CENPN: variants seen among roughly 807,000 people sequenced by gnomAD.
CENPN encodes centromere protein N.
Under a neutral mutation model 48.6 loss-of-function variants are expected in CENPN, and 36 were observed. The observed-to-expected ratio is 0.74, with a 90% confidence interval of 0.57 to 0.98. CENPN has a LOEUF of 0.98. CENPN is among the 50% of genes least tolerant of loss of function. The pLI, the probability that CENPN is intolerant of heterozygous loss-of-function variation, is 0.00. For missense variants in CENPN, 439 were observed against 399.2 expected (o/e 1.10, Z -0.85); for synonymous variants, 166 against 135.2 (o/e 1.23, Z -1.58).
At position 81,025,689 on chromosome 16, in the gene CENPN, C is replaced by CTTTTTTTTTTTTTTTTT. The variant is rs761078576; in HGVS notation, c.698-836_698-835insTTTTTTTTTTTTTTTTT. On this transcript the variant is annotated intron_variant, in intron 8 of 10. Coordinates refer to ENST00000305850, the MANE Select transcript of CENPN (RefSeq NM_001100624.3). ...TGGGCAACATAGTGAGACCCTGTCT[C>CTTTTTTTTTTTTTTTTT]TCTTTTTTTTTTTTTTTTTTTTTTT... 1.5e-5 allele frequency among the ~76,000 whole-genome samples: 2 copies of CTTTTTTTTTTTTTTTTT among 135,232 alleles called. 1 individual carries two copies. The highest frequency in any genetic ancestry group is 5.9e-5 in the African/African-American group (2 of 34,032). 88.7% of individuals were successfully genotyped at this position (135,232 alleles called of 152,430 possible). A position where few individuals can be genotyped will look rare whatever the true frequency, so the allele number is the denominator to read the frequency against.
At position 81,012,103 on chromosome 16, in the gene CENPN, T is replaced by C. The variant is rs1418115288; in HGVS notation, c.164T>C (p.Leu55Pro). 5.0e-6 allele frequency: 8 copies of C among 1,613,902 alleles called. No individual in the cohort carries two copies. The African/African-American group carries it at 1.1e-4, about 22-fold the overall frequency. The change falls in exon 2 of 11, where the codon CTG (leucine) becomes CCG (proline). Residue 55 changes from leucine to proline, a missense_variant. By Grantham distance (98) the Leu-to-Pro change is moderately conservative (BLOSUM62 -3). Transcript: ENST00000305850. ...KESVVQHLIH[L>P]CEEKRASISD... is the part of the protein sequence containing the mutation. The stretch of plus-strand genomic sequence containing the variant: ...TCTGTAGTTCAGCACTTGATCCATC[T>C]GTGTGAGGTAACAGTGTTAAAAATG...
At chr16:81,026,203 ATG>A (rs1037026637) in intron 8 of CENPN, among the ~76,000 whole-genome samples, 5 of 142,342 alleles carry the variant, frequency 3.5e-5, no homozygotes, top group African/African-American at 5.2e-5. Context: ...ATGTATATAT[ATG>A]TGTGTGTATA....
chr16:81,022,023 C>T (rs1235351023), intron 6 of CENPN, among the ~76,000 whole-genome samples: 5 of 152,102 alleles, frequency 3.3e-5, no homozygotes, highest in Admixed American at 1.3e-4. Flanking sequence ...CCTGCCAAAG[C>T]GCTGGGATTA....
intron 4 of CENPN, 119 bp from the exon 5 acceptor site, chr16:81,017,639 T>C (rs1969987758): frequency 1.3e-6 from 1 of 772,498 alleles, no homozygotes; most frequent in Admixed American, 2.9e-5. Context: ...TTTGTGTGAT[T>C]TGATCATTAT....
chr16:81,031,710 C>G (rs1346967910), downstream of CENPN, among the ~76,000 whole-genome samples: 2 of 152,180 alleles, frequency 1.3e-5, no homozygotes, highest in Non-Finnish European at 2.9e-5. Flanking sequence ...TATCCAACGT[C>G]CTTGGTTGCC....
intron 8 of CENPN, among the ~76,000 whole-genome samples, chr16:81,025,208 G>A (rs1970409005): frequency 6.6e-6 from 1 of 152,154 alleles, no homozygotes; most frequent in Admixed American, 6.5e-5. Flanking sequence ...ATCCAGGTAC[G>A]TCTGGATCTG....
rs1970512548 is a variant in CENPN at position 81,026,654 on chromosome 16, AAATATT to A, written c.810+19_810+24del. 2.4e-6 allele frequency: 3 copies of A among 1,271,960 alleles called. No homozygotes were observed. The highest frequency in any genetic ancestry group is 3.4e-6 in the Non-Finnish European group (3 of 881,454). The allele number at this position is 1,271,960 out of a possible 1,614,324, so 78.8% of individuals were successfully genotyped here. A position where few individuals can be genotyped will look rare whatever the true frequency, so the allele number is the denominator to read the frequency against. ...ACAATATAAGGTAAGATGTCGTAAT[AAATATT>A]AAGTACAAGATATCAACATTGTTTA... On this transcript the variant is annotated intron_variant, in intron 9 of 10. Coordinates refer to ENST00000305850, the MANE Select transcript of CENPN (RefSeq NM_001100624.3).
At chr16:81,013,633 A>G (rs955788483) in intron 2 of CENPN, among the ~76,000 whole-genome samples, 1 of 152,210 alleles carries the variant, frequency 6.6e-6, no homozygotes. Flanking sequence ...AGGCAGGAGT[A>G]TCACTTGAAA....
At chr16:81,013,376 G>T (rs755547087) in intron 2 of CENPN, among the ~76,000 whole-genome samples, 9 of 152,184 alleles carry the variant, frequency 5.9e-5, no homozygotes, top group Non-Finnish European at 1.0e-4. Flanking sequence ...TAGGACTAAG[G>T]CTTGGGAGGT....
At position 81,029,266 on chromosome 16, in the gene CENPN, A is replaced by C. The variant is rs1398388595; in HGVS notation, c.*615A>C. 1.1e-6 allele frequency: 1 copy of C among 912,308 alleles called. No individual in the cohort carries two copies. The highest frequency in any genetic ancestry group is 1.3e-6 in the Non-Finnish European group (1 of 763,452). 56.5% of individuals were successfully genotyped at this position (912,308 alleles called of 1,614,324 possible). ...CTATTTTATCATGTGTATAACATTCAAACTGACAAATATATTGACTTATGA... is the reference window on the plus strand; with the variant it reads ...CTATTTTATCATGTGTATAACATTCCAACTGACAAATATATTGACTTATGA... On this transcript the variant is annotated 3_prime_UTR_variant, in exon 11 of 11. Transcript: ENST00000305850.
chr16:81,013,189 C>A (rs1969810787), intron 2 of CENPN, among the ~76,000 whole-genome samples: 1 of 152,162 alleles, frequency 6.6e-6, no homozygotes, highest in African/African-American at 2.4e-5. Context: ...TGGATATACT[C>A]AGCAGTAAAA....
chr16:81,019,642 C>T (rs1031601014), intron 5 of CENPN, among the ~76,000 whole-genome samples: 4 of 151,894 alleles, frequency 2.6e-5, no homozygotes, highest in Non-Finnish European at 5.9e-5. Flanking sequence ...TAAATTCTTA[C>T]GTAAGGAGGA....
At chr16:81,024,327 TAGG>T (rs1378492830) in intron 7 of CENPN, 1 of 154,174 alleles carries the variant, frequency 6.5e-6, no homozygotes, top group African/African-American at 2.4e-5. Flanking sequence ...TGGGTGAAGG[TAGG>T]AGAAGGGGTT....
intron 9 of CENPN, among the ~76,000 whole-genome samples, chr16:81,027,896 G>A (rs1017772417): frequency 3.3e-5 from 5 of 152,054 alleles, no homozygotes; most frequent in Admixed American, 2.0e-4. Flanking sequence ...GTTAAGACGG[G>A]GTTTCACCAT....
At position 81,029,312 on chromosome 16, in the gene CENPN, G is replaced by A; in HGVS notation, c.*661G>A. ...TATGAATAAAGGTGTCAAAAAACTG[G>A]CACATCAGTTAATTTTGATCAAAGT... On this transcript the variant is annotated 3_prime_UTR_variant, in exon 11 of 11. Coordinates refer to ENST00000305850, the MANE Select transcript of CENPN (RefSeq NM_001100624.3). 1 of 948,262 alleles carries A rather than the reference G, an allele frequency of 1.1e-6. No homozygotes were observed. The highest frequency in any genetic ancestry group is 1.3e-6 in the Non-Finnish European group (1 of 796,258). 58.7% of individuals were successfully genotyped at this position (948,262 alleles called of 1,614,324 possible).
chr16:81,015,282 C>A (rs1969890300), intron 3 of CENPN, among the ~76,000 whole-genome samples: 1 of 152,192 alleles, frequency 6.6e-6, no homozygotes, highest in African/African-American at 2.4e-5. Context: ...GCTGAGAACA[C>A]AGGCCCTGGG....
chr16:81,016,231 G>C (rs1211743029), intron 3 of CENPN, among the ~76,000 whole-genome samples: 2 of 151,872 alleles, frequency 1.3e-5, no homozygotes, highest in Middle Eastern at 3.2e-3. Context: ...ACTGAAGCCT[G>C]GTGTGGTGGT....
At chr16:81,014,401 A>G in intron 3 of CENPN, 2 of 480,372 alleles carry the variant, frequency 4.2e-6, no homozygotes, top group Non-Finnish European at 7.5e-6. Context: ...TGTATGGCTA[A>G]TTTTTTGTAT....
At chr16:81,011,388 G>A (rs1311378384) in intron 1 of CENPN, among the ~76,000 whole-genome samples, 1 of 152,158 alleles carries the variant, frequency 6.6e-6, no homozygotes. Flanking sequence ...TAGAATGGAT[G>A]TGCCATACTG....
Sources: allele counts gnomAD v4.1 joint callset (sites outside exome capture counted in the v4.1 genomes callset), GRCh38; gene constraint gnomAD v4.1.1; transcripts MANE v1.5; gene names NCBI Gene and HGNC (gene_info 2026-07-23, HGNC 2026-07-21).